ZBTB44: variants seen among roughly 807,000 people sequenced by gnomAD.
The protein encoded by ZBTB44 is zinc finger and BTB domain-containing protein 44.
A neutral mutation model predicts 54.0 loss-of-function variants in ZBTB44; 15 were observed. The observed-to-expected ratio is 0.28, with a 90% CI of 0.19 to 0.43. ZBTB44 has a LOEUF of 0.43. Among genes scored for constraint, ZBTB44 ranks in the 20% least tolerant of loss-of-function variants. The pLI is 1.00. For missense variants in ZBTB44, 487 were observed against 707.1 expected, an observed-to-expected ratio of 0.69 and a Z score of 3.53; for synonymous variants, 230 against 250.1, an observed-to-expected ratio of 0.92 and a Z score of 0.76.
At chr11:130,279,042 T>C (rs900647160) in intron 1 of ZBTB44, among the ~76,000 whole-genome samples, 4 of 152,314 alleles carry the variant, frequency 2.6e-5, no homozygotes, top group Non-Finnish European at 4.4e-5. Flanking sequence ...TAATATAGTA[T>C]AGCAAATCCA....
At chr11:130,312,800 G>T (rs189660184) in intron 1 of ZBTB44, among the ~76,000 whole-genome samples, 1 of 152,342 alleles carries the variant, frequency 6.6e-6, no homozygotes, top group East Asian at 1.9e-4. Flanking sequence ...GAGGAATTTT[G>T]AAGATGGAGT....
At chr11:130,302,302 G>A (rs1179315510) in intron 1 of ZBTB44, among the ~76,000 whole-genome samples, 1 of 152,146 alleles carries the variant, frequency 6.6e-6, no homozygotes, top group Non-Finnish European at 1.5e-5. Context: ...ATGCTAACTG[G>A]TGCTCCTTAC....
chr11:130,254,082 G>A (rs1169693718), intron 2 of ZBTB44, among the ~76,000 whole-genome samples: 5 of 152,178 alleles, frequency 3.3e-5, no homozygotes. Flanking sequence ...ATGGATTAAA[G>A]ACTTAAATGT....
At chr11:130,306,346 T>C (rs992959677) in intron 1 of ZBTB44, among the ~76,000 whole-genome samples, 2 of 151,848 alleles carry the variant, frequency 1.3e-5, no homozygotes, top group East Asian at 3.9e-4. Context: ...CTCCTAAGAA[T>C]ACAAAATTAG....
intron 1 of ZBTB44, among the ~76,000 whole-genome samples, chr11:130,289,309 C>A (rs1020430108): frequency 5.3e-5 from 8 of 151,774 alleles, no homozygotes; most frequent in Non-Finnish European, 1.2e-4. Flanking sequence ...ATGGTGAAAC[C>A]CCGTCTCTAC....
intron 1 of ZBTB44, among the ~76,000 whole-genome samples, chr11:130,266,975 A>AT (rs1565663845): frequency 6.6e-6 from 1 of 152,064 alleles, no homozygotes; most frequent in East Asian, 1.9e-4. Flanking sequence ...TTAATTAAAA[A>AT]TTTTTTTTAG....
chr11:130,257,880 T>C lies in ZBTB44; in HGVS notation c.1018+2976A>G, dbSNP rs79993507. On this transcript the variant is annotated intron_variant, in intron 2 of 7. Transcript: ENST00000357899. ...GGTTTTGGCTCTTCTGTTTTTCCTA[T>C]TGAGATTGAATTTGCCACTACTAGT... Among the ~76,000 whole-genome samples the C allele has an allele frequency of 3.0e-4, 45 of 152,284 alleles. No homozygotes were observed. In the East Asian group the frequency reaches 8.3e-3, roughly 28 times the overall value.
At chr11:130,313,924 A>ATGTG (rs909767246) in intron 1 of ZBTB44, among the ~76,000 whole-genome samples, 3 of 86,324 alleles carry the variant, frequency 3.5e-5, no homozygotes, top group African/African-American at 1.1e-4. Context: ...GTGTGTGTGT[A>ATGTG]TGTGTGTGTG....
intron 1 of ZBTB44, among the ~76,000 whole-genome samples, chr11:130,267,213 G>A (rs929068672): frequency 3.9e-5 from 6 of 151,946 alleles, no homozygotes; most frequent in African/African-American, 7.2e-5. Flanking sequence ...ACAGTGAGCC[G>A]AGATCAAGCC....
intron 1 of ZBTB44, among the ~76,000 whole-genome samples, chr11:130,278,910 C>T (rs1486304853): frequency 3.9e-5 from 6 of 152,138 alleles, no homozygotes; most frequent in Admixed American, 3.9e-4. Context: ...TCTGTTAAAT[C>T]TGACATGTGG....
At chr11:130,256,826 G>A (rs185113320) in intron 2 of ZBTB44, among the ~76,000 whole-genome samples, 2 of 152,128 alleles carry the variant, frequency 1.3e-5, no homozygotes, top group African/African-American at 4.8e-5. Flanking sequence ...CATTCCCTTT[G>A]AAAACCGGCA....
In ZBTB44 at chr11:130,296,969, C is replaced by T. The variant is rs111927914; in HGVS notation, c.-57+17406G>A. 3.8e-3 allele frequency: 2,819 copies of T among 746,970 alleles called. 60 individuals are homozygous for T. The African/African-American group carries it at 0.044, about 12-fold the overall frequency. The allele number at this position is 746,970 out of a possible 1,614,324, so 46.3% of individuals were successfully genotyped here. A position where few individuals can be genotyped will look rare whatever the true frequency, so the allele number is the denominator to read the frequency against. On this transcript the variant is annotated intron_variant, in intron 1 of 7. Coordinates refer to ENST00000357899, the MANE Select transcript of ZBTB44 (RefSeq NM_001301098.2). Reference sequence around the variant, plus strand: ...AGCGAGGAGGTGGTGGTGGATTTGACTACCAGAAAATCAAGAAAGTTGAGA... The same window carrying T: ...AGCGAGGAGGTGGTGGTGGATTTGATTACCAGAAAATCAAGAAAGTTGAGA...
At chr11:130,279,073 C>T (rs1027831286) in intron 1 of ZBTB44, among the ~76,000 whole-genome samples, 1 of 151,966 alleles carries the variant, frequency 6.6e-6, no homozygotes, top group African/African-American at 2.4e-5. Flanking sequence ...CTTTCTTCTA[C>T]CTCCCTCTTT....
chr11:130,227,105 A>C lies in ZBTB44; in HGVS notation c.*4659T>G, dbSNP rs1009506650. The C allele has an allele frequency of 6.6e-6, 1 of 152,068 alleles. No individual in the cohort carries two copies. The highest frequency in any genetic ancestry group is 1.5e-5 in the Non-Finnish European group (1 of 68,040). 9.4% of individuals were successfully genotyped at this position (152,068 alleles called of 1,614,324 possible). The stretch of plus-strand genomic sequence containing the variant: ...CGGCACTTAGTTTACAAAAAAGGTC[A>C]CAAAAATATATATATATATGTAGTC... On this transcript the variant is annotated 3_prime_UTR_variant, in exon 8 of 8. Transcript: ENST00000357899.
Position 130,261,510 on chromosome 11 carries a change from C to G in ZBTB44, c.364G>C (p.Glu122Gln). The change falls in exon 2 of 8, where the codon GAG (glutamate) becomes CAG (glutamine). Residue 122 changes from glutamate to glutamine, a missense_variant. Glu to Gln is a conservative substitution (Grantham distance 29). Transcript: ENST00000357899. The surrounding 1 kb of genome is among the most constrained non-coding windows in gnomAD (Gnocchi z 4.8). ...CATAAAATGCTTGATTTCATGAACT[C>G]TGAGCAGGTGCTGGCAACACTGAAC... is the stretch of plus-strand genomic sequence containing the variant. ...QMFSVASTCS[E>Q]FMKSSILWNT... 1 of 1,613,974 alleles carries G rather than the reference C, an allele frequency of 6.2e-7. No individual in the cohort carries two copies. The highest frequency in any genetic ancestry group is 1.3e-5 in the African/African-American group (1 of 75,036).
intron 6 of ZBTB44, chr11:130,233,714 G>T: frequency 8.4e-7 from 1 of 1,184,502 alleles, no homozygotes; most frequent in Non-Finnish European, 1.0e-6. Flanking sequence ...TTTAACAATG[G>T]AAGAAGGAAC....
At chr11:130,251,110 C>T (rs113413948) in intron 2 of ZBTB44, among the ~76,000 whole-genome samples, 9,740 of 152,156 alleles carry the variant, frequency 0.064, 748 homozygotes, top group African/African-American at 0.18. Context: ...AATGACCTGA[C>T]AGAGCTAAAA....
At chr11:130,243,605 A>C (rs1437879311) in intron 2 of ZBTB44, among the ~76,000 whole-genome samples, 1 of 152,202 alleles carries the variant, frequency 6.6e-6, no homozygotes, top group African/African-American at 2.4e-5. Context: ...GAGCAGGTTT[A>C]GTTCTGACAG....
At chr11:130,283,447 A>G (rs1400691977) in intron 1 of ZBTB44, among the ~76,000 whole-genome samples, 2 of 152,146 alleles carry the variant, frequency 1.3e-5, no homozygotes, top group Non-Finnish European at 2.9e-5. Context: ...GCAAGGCCAG[A>G]TTTTTACAAA....
Sources: allele counts gnomAD v4.1 joint callset (sites outside exome capture counted in the v4.1 genomes callset), GRCh38; gene constraint gnomAD v4.1.1; non-coding constraint Gnocchi (gnomAD v3.1); transcripts MANE v1.5; gene names NCBI Gene and HGNC (gene_info 2026-07-23, HGNC 2026-07-21).